CCDC148: variants seen among roughly 807,000 people sequenced by gnomAD.
The protein encoded by CCDC148 is coiled-coil domain-containing protein 148.
CCDC148 carries 89 observed loss-of-function variants against 85.7 expected under a neutral mutation model. That is an observed-to-expected ratio of 1.04 (90% CI 0.87 to 1.24). The LOEUF (loss-of-function observed/expected upper bound fraction) is 1.24, where lower values mean the gene tolerates loss of function less well. Ranked by LOEUF, CCDC148 falls within the 50% of genes most tolerant of loss-of-function variation. The pLI, the probability that CCDC148 is intolerant of heterozygous loss-of-function variation, is 0.00. For missense variants in CCDC148, 692 were observed against 671.7 expected (o/e 1.03, Z -0.33); for synonymous variants, 230 against 213.9 (o/e 1.08, Z -0.66).
chr2:158,262,147 G>A (rs568533148), intron 9 of CCDC148, among the ~76,000 whole-genome samples: 9 of 152,066 alleles, frequency 5.9e-5, no homozygotes, highest in Non-Finnish European at 1.3e-4. Context: ...TAAAGAAAAT[G>A]TGGTACATAT....
chr2:158,427,123 G>A (rs1333268292), intron 1 of CCDC148, among the ~76,000 whole-genome samples: 1 of 152,050 alleles, frequency 6.6e-6, no homozygotes, highest in Non-Finnish European at 1.5e-5. Flanking sequence ...ATCTAAAATT[G>A]GCTATACTAT....
At chr2:158,272,011 T>C (rs1220315651) in intron 9 of CCDC148, among the ~76,000 whole-genome samples, 3 of 152,216 alleles carry the variant, frequency 2.0e-5, no homozygotes, top group Admixed American at 6.5e-5. Flanking sequence ...ATTCATTCTT[T>C]GTTTTATTTG....
At chr2:158,311,833 T>C (rs1302944553) in intron 8 of CCDC148, among the ~76,000 whole-genome samples, 1 of 152,190 alleles carries the variant, frequency 6.6e-6, no homozygotes, top group Non-Finnish European at 1.5e-5. Context: ...GCTATGCTCA[T>C]GAGGGACATG....
chr2:158,409,520 C>T (rs1201457025), intron 1 of CCDC148, among the ~76,000 whole-genome samples: 4 of 152,166 alleles, frequency 2.6e-5, no homozygotes, highest in Non-Finnish European at 5.9e-5. Context: ...GCCAATTTCT[C>T]CTATTTTAAA....
intron 11 of CCDC148, among the ~76,000 whole-genome samples, chr2:158,185,987 C>T (rs568902045): frequency 3.9e-5 from 6 of 152,224 alleles, no homozygotes; most frequent in Non-Finnish European, 2.9e-5. Flanking sequence ...CATTCTCAGT[C>T]GCTGCTTTCA....
Position 158,172,296 on chromosome 2 carries a change from T to A in CCDC148, c.1630-37A>T, listed in dbSNP as rs767984221. ...AAAATACAATTTAAATAACAATTCA[T>A]TGAACTAAAATAACTTTTAACATTT... is the stretch of plus-strand genomic sequence containing the variant. On this transcript the variant is annotated intron_variant, in intron 13 of 13. Coordinates refer to ENST00000283233, the MANE Select transcript of CCDC148 (RefSeq NM_138803.4). The A allele has an allele frequency of 4.8e-6, 7 of 1,460,698 alleles. No homozygotes were observed. In the South Asian group the frequency reaches 8.8e-5, roughly 18 times the overall value. 90.5% of individuals were successfully genotyped at this position (1,460,698 alleles called of 1,614,324 possible). A position where few individuals can be genotyped will look rare whatever the true frequency, so the allele number is the denominator to read the frequency against.
At chr2:158,438,843 G>C (rs1687795361) in intron 1 of CCDC148, among the ~76,000 whole-genome samples, 1 of 152,122 alleles carries the variant, frequency 6.6e-6, no homozygotes, top group African/African-American at 2.4e-5. Context: ...CTCAAAAGAA[G>C]ACATTTATGC....
chr2:158,273,481 G>T (rs185517459), intron 9 of CCDC148, among the ~76,000 whole-genome samples: 46 of 152,268 alleles, frequency 3.0e-4, no homozygotes, highest in Admixed American at 2.5e-3. Flanking sequence ...TAACAAGAAA[G>T]TGCCTGATGG....
intron 8 of CCDC148, among the ~76,000 whole-genome samples, chr2:158,312,948 T>G (rs1416710930): frequency 6.6e-6 from 1 of 152,212 alleles, no homozygotes; most frequent in African/African-American, 2.4e-5. Flanking sequence ...TTCCACGTGA[T>G]TGATATATGG....
intron 11 of CCDC148, among the ~76,000 whole-genome samples, chr2:158,205,369 T>A (rs1021157957): frequency 2.6e-5 from 4 of 152,030 alleles, no homozygotes; most frequent in African/African-American, 9.7e-5. Flanking sequence ...GCAATGAATA[T>A]CTCTATCTGA....
intron 10 of CCDC148, among the ~76,000 whole-genome samples, chr2:158,245,405 G>C (rs1386075291): frequency 1.3e-5 from 2 of 152,184 alleles, no homozygotes; most frequent in East Asian, 3.9e-4. Context: ...AGGTAAGGCT[G>C]AAGGTCACAG....
At chr2:158,429,442 T>A (rs1156276881) in intron 1 of CCDC148, among the ~76,000 whole-genome samples, 3 of 151,880 alleles carry the variant, frequency 2.0e-5, no homozygotes, top group African/African-American at 7.3e-5. Context: ...TTCCAAGATA[T>A]AATGTTAAGG....
At chr2:158,412,167 G>A (rs1436018131) in intron 1 of CCDC148, among the ~76,000 whole-genome samples, 3 of 152,176 alleles carry the variant, frequency 2.0e-5, no homozygotes, top group African/African-American at 7.2e-5. Flanking sequence ...GGAAGTTTCA[G>A]CCAAGGAGAC....
chr2:158,336,713 A>G, intron 7 of CCDC148, among the ~76,000 whole-genome samples: 1 of 152,186 alleles, frequency 6.6e-6, no homozygotes, highest in East Asian at 1.9e-4. Flanking sequence ...TTCCCATAAC[A>G]TATCTTGCCT....
At chr2:158,224,868 A>G (rs1687413265) in intron 10 of CCDC148, among the ~76,000 whole-genome samples, 1 of 152,188 alleles carries the variant, frequency 6.6e-6, no homozygotes, top group Non-Finnish European at 1.5e-5. Flanking sequence ...TGTAAAGACC[A>G]TCGAGGCTAG....
chr2:158,291,833 A>G (rs1446837399), intron 9 of CCDC148, among the ~76,000 whole-genome samples: 1 of 152,242 alleles, frequency 6.6e-6, no homozygotes, highest in Non-Finnish European at 1.5e-5. Flanking sequence ...AAATGAATAA[A>G]TTACACCATA....
chr2:158,351,467 G>GGCTGACGAAC (rs1553511222), intron 2 of CCDC148, among the ~76,000 whole-genome samples: 1 of 150,270 alleles, frequency 6.7e-6, no homozygotes, highest in Non-Finnish European at 1.5e-5. Context: ...TCAAAGAAAG[G>GGCTGACGAAC]GGCACCTGGA....
chr2:158,211,667 A>G (rs1023729403), intron 11 of CCDC148, among the ~76,000 whole-genome samples: 2 of 152,208 alleles, frequency 1.3e-5, no homozygotes, highest in Non-Finnish European at 2.9e-5. Flanking sequence ...ACATGCTTCA[A>G]TTGCTTGTGG....
chr2:158,255,407 A>G (rs1358335327), intron 9 of CCDC148, among the ~76,000 whole-genome samples: 1 of 151,762 alleles, frequency 6.6e-6, no homozygotes, highest in Non-Finnish European at 1.5e-5. Context: ...CAATAAGGCA[A>G]AACAACTTTT....
Sources: gnomAD v4.1 joint callset for allele counts (sites outside exome capture counted in the v4.1 genomes callset) on GRCh38, gnomAD v4.1.1 for gene constraint, MANE v1.5 for transcripts, NCBI Gene and HGNC (gene_info 2026-07-23, HGNC 2026-07-21) for gene names.